Variants in CACNA1A observed in about 807,000 individuals in gnomAD.
The protein encoded by CACNA1A is calcium voltage-gated channel subunit alpha1 A, also known as voltage-dependent P/Q-type calcium channel subunit alpha-1A.
Under a neutral mutation model 262.4 loss-of-function variants are expected in CACNA1A, and 57 were observed. The observed-to-expected ratio is 0.22, with a 90% CI of 0.18 to 0.27. CACNA1A has a LOEUF of 0.27. Ranked by LOEUF, CACNA1A falls within the 10% of genes least tolerant of loss-of-function variation. CACNA1A has a pLI of 1.00. For missense variants in CACNA1A, 2,526 were observed against 3,562.8 expected, an observed-to-expected ratio of 0.71 and a Z score of 7.41; for synonymous variants, 1,431 against 1,419.3, an observed-to-expected ratio of 1.01 and a Z score of -0.18.
At chr19:13,498,565 C>T (rs1283810382) in intron 1 of CACNA1A, among the ~76,000 whole-genome samples, 1 of 152,090 alleles carries the variant, frequency 6.6e-6, no homozygotes, top group Admixed American at 6.6e-5. Flanking sequence ...CTCACGGCTG[C>T]TCCCAGTCTG....
chr19:13,241,369 GGAGGACAGACAGACA>G lies in CACNA1A; in HGVS notation c.4950+3798_4950+3812del, dbSNP rs927041819. The stretch of plus-strand genomic sequence containing the variant: ...GTGGGAGGCACAGGGGCTGGGGGCG[GGAGGACAGACAGACA>G]GAGGAGAGCGGAGGGTTGAGGAGAG... On this transcript the variant is annotated intron_variant, in intron 31 of 46. Coordinates refer to ENST00000360228, the MANE Select transcript of CACNA1A (RefSeq NM_001127222.2). The surrounding 1 kb of genome is among the most constrained non-coding windows in gnomAD (Gnocchi z 4.0). Among the ~76,000 whole-genome samples the G allele has an allele frequency of 1.1e-4, 17 of 152,164 alleles. No homozygotes were observed. The highest frequency in any genetic ancestry group is 3.3e-4 in the Admixed American group (5 of 15,264).
intron 8 of CACNA1A, chr19:13,334,097 C>T (rs2058515331): frequency 5.3e-6 from 2 of 380,858 alleles, no homozygotes; most frequent in Non-Finnish European, 9.6e-6. Flanking sequence ...AACGGAGGTA[C>T]AGGGATGTGT....
chr19:13,447,969 C>G (rs1017256566), intron 3 of CACNA1A, among the ~76,000 whole-genome samples: 4 of 151,916 alleles, frequency 2.6e-5, no homozygotes, highest in Non-Finnish European at 5.9e-5. Flanking sequence ...CAGACACACC[C>G]AGGAACAAGA....
intron 16 of CACNA1A, 77 bp from the exon 17 acceptor site, chr19:13,303,690 C>G: frequency 1.3e-6 from 2 of 1,560,412 alleles, no homozygotes; most frequent in Non-Finnish European, 1.8e-6. Flanking sequence ...TCTCTCAGTA[C>G]CCTCCCTTGA....
At chr19:13,353,587 T>C (rs899839293) in intron 6 of CACNA1A, among the ~76,000 whole-genome samples, 1 of 152,240 alleles carries the variant, frequency 6.6e-6, no homozygotes, top group Admixed American at 6.5e-5. Flanking sequence ...CTTCCAGTTT[T>C]GTTCTAATTT....
intron 6 of CACNA1A, among the ~76,000 whole-genome samples, chr19:13,336,560 G>C (rs978009577): frequency 2.5e-5 from 3 of 117,782 alleles, no homozygotes; most frequent in African/African-American, 8.8e-5. Context: ...GGAGGTTGGG[G>C]GGTGGAGAGA....
At chr19:13,395,306 A>T (rs1234424218) in intron 3 of CACNA1A, among the ~76,000 whole-genome samples, 1 of 146,846 alleles carries the variant, frequency 6.8e-6, no homozygotes, top group Non-Finnish European at 1.5e-5. Context: ...GAAAAAGAAA[A>T]AGAAAAAGAA....
At chr19:13,292,542 AAGTCAAGGCTGCAGTG>A (rs1484066569) in intron 19 of CACNA1A, among the ~76,000 whole-genome samples, 1 of 152,116 alleles carries the variant, frequency 6.6e-6, no homozygotes, top group African/African-American at 2.4e-5. Context: ...TGAGCTCAGG[AAGTCAAGGCTGCAGTG>A]AGCCATGATT....
intron 38 of CACNA1A, among the ~76,000 whole-genome samples, chr19:13,224,121 G>A (rs944523241): frequency 1.3e-5 from 2 of 151,914 alleles, no homozygotes; most frequent in Non-Finnish European, 2.9e-5. Flanking sequence ...TCAGGAGTTC[G>A]AGACCAGCCT....
chr19:13,320,456 T>C (rs1378907567), intron 10 of CACNA1A, among the ~76,000 whole-genome samples: 2 of 152,224 alleles, frequency 1.3e-5, no homozygotes, highest in African/African-American at 4.8e-5. Flanking sequence ...CTTAGCGTGA[T>C]GCTAAGTGGT....
At position 13,246,657 on chromosome 19, in the gene CACNA1A, ACT is replaced by A. The variant is rs567485496; in HGVS notation, c.4867-1394_4867-1393del. Among the ~76,000 whole-genome samples, 354 of 150,578 alleles carry A rather than the reference ACT, an allele frequency of 2.4e-3. 1 individual carries two copies. Among genetic ancestry groups the A allele is most frequent in the African/African-American group, 7.8e-3 (320 of 40,966 alleles). ...TTTTTTTTTTTTGAGACAGAGTCTC[ACT>A]CTGTCGCCCAGGCTGGAGTGCAGTG... On this transcript the variant is annotated intron_variant, in intron 30 of 46. Transcript: ENST00000360228.
intron 6 of CACNA1A, among the ~76,000 whole-genome samples, chr19:13,346,644 ATATATATATATATATATATATATTTTT>A (rs1195316936): frequency 4.1e-4 from 3 of 7,230 alleles, no homozygotes; most frequent in East Asian, 2.9e-3. Context: ...ATATATATAT[ATATATATATATATATATATATATTTTT>A]TTTTTTTTTT....
intron 6 of CACNA1A, among the ~76,000 whole-genome samples, chr19:13,336,141 TGACCTGGGAATGGAGTAA>T (rs1446911464): frequency 1.3e-5 from 2 of 152,328 alleles, no homozygotes; most frequent in East Asian, 3.9e-4. Flanking sequence ...ATAACATAAT[TGACCTGGGAATGGAGTAA>T]GAAACACAAG....
chr19:13,232,877 C>T (rs527341782), intron 34 of CACNA1A, among the ~76,000 whole-genome samples: 39 of 151,446 alleles, frequency 2.6e-4, no homozygotes, highest in Non-Finnish European at 4.4e-4. Context: ...GGCAAAACCC[C>T]GTCTCTACTA....
In CACNA1A at chr19:13,308,191, G is replaced by A. The variant is rs2057947716; in HGVS notation, c.1842C>T (p.Ile614=). Residue 614 remains isoleucine, a synonymous_variant, in exon 14 of 47, where the codon ATC becomes ATT. Transcript: ENST00000360228. This position sits in a 1 kb window ranked among gnomAD's most constrained non-coding sequence, Gnocchi z 4.2. ...ACAGGAAAAGGAGAAACAACAGGCT[G>A]ATGATGGACTTCATGGAGTTGAGGA... ...VSLLNSMKSI[I]SLLFLLFLFI... is the part of the protein sequence containing the mutation. The A allele has an allele frequency of 6.2e-7, 1 of 1,613,970 alleles. No homozygotes were observed. The highest frequency in any genetic ancestry group is 8.5e-7 in the Non-Finnish European group (1 of 1,179,860).
chr19:13,292,186 A>G (rs1371610389), intron 19 of CACNA1A, among the ~76,000 whole-genome samples: 1 of 152,138 alleles, frequency 6.6e-6, no homozygotes, highest in Non-Finnish European at 1.5e-5. Flanking sequence ...GCCACCTGGT[A>G]TGGGGGATCT....
At chr19:13,498,818 A>C (rs1981996482) in intron 1 of CACNA1A, among the ~76,000 whole-genome samples, 1 of 152,126 alleles carries the variant, frequency 6.6e-6, no homozygotes, top group Non-Finnish European at 1.5e-5. Context: ...AGGTGTTAAG[A>C]ACTCACCATT....
Position 13,283,329 on chromosome 19 carries a change from C to T in CACNA1A, c.3760G>A (p.Ala1254Thr). Residue 1254 changes from alanine (A) to threonine (T), a missense_variant, in exon 22 of 47, where the codon GCC becomes ACC. Coordinates refer to ENST00000360228, the MANE Select transcript of CACNA1A (RefSeq NM_001127222.2). ...GCGGCCAGGGCGATGCTGCTCATGG[C>T]AATGACCATGAGGATGCACATCTCA... ...YFEMCILMVI[A>T]MSSIALAAED... 6.2e-7 allele frequency: 1 copy of T among 1,613,910 alleles called. No individual in the cohort carries two copies. Among genetic ancestry groups the T allele is most frequent in the Non-Finnish European group, 8.5e-7 (1 of 1,179,794 alleles).
At chr19:13,495,366 G>A (rs1394436158) in intron 1 of CACNA1A, among the ~76,000 whole-genome samples, 1 of 151,902 alleles carries the variant, frequency 6.6e-6, no homozygotes, top group African/African-American at 2.4e-5. Flanking sequence ...GCATGATCTT[G>A]GCTCACTGCA....
Sources: allele counts gnomAD v4.1 joint callset (sites outside exome capture counted in the v4.1 genomes callset), GRCh38; gene constraint gnomAD v4.1.1; non-coding constraint Gnocchi (gnomAD v3.1); transcripts MANE v1.5; gene names NCBI Gene and HGNC (gene_info 2026-07-23, HGNC 2026-07-21).